The following FTO variants were observed in gnomAD, a reference collection of about 807,000 sequenced individuals.
FTO encodes alpha-ketoglutarate-dependent dioxygenase FTO.
Under a neutral mutation model 63.9 loss-of-function variants are expected in FTO, and 47 were observed. The observed-to-expected ratio is 0.74, with a 90% CI of 0.58 to 0.94. The LOEUF (loss-of-function observed/expected upper bound fraction) is 0.94. Ranked by LOEUF, FTO falls within the 40% of genes least tolerant of loss-of-function variation. FTO has a pLI of 0.00. For missense variants in FTO, 562 were observed against 618.1 expected, an observed-to-expected ratio of 0.91 and a Z score of 0.96; for synonymous variants, 207 against 224.4, an observed-to-expected ratio of 0.92 and a Z score of 0.69.
intron 8 of FTO, among the ~76,000 whole-genome samples, chr16:54,078,559 G>A (rs62034118): frequency 0.079 from 11,944 of 151,908 alleles, 791 homozygotes; most frequent in African/African-American, 0.17. Flanking sequence ...ACACATGCTC[G>A]TTTCTGGAGT....
At chr16:53,749,433 C>A (rs1598562106) in intron 1 of FTO, among the ~76,000 whole-genome samples, 1 of 148,800 alleles carries the variant, frequency 6.7e-6, no homozygotes, top group South Asian at 2.1e-4. Context: ...GATTTTAATT[C>A]TTTTTTTCTT....
At chr16:54,060,060 C>T (rs1338046672) in intron 8 of FTO, among the ~76,000 whole-genome samples, 1 of 152,156 alleles carries the variant, frequency 6.6e-6, no homozygotes, top group African/African-American at 2.4e-5. Context: ...CTTTTTAAAA[C>T]AGACTTCCTT....
intron 8 of FTO, among the ~76,000 whole-genome samples, chr16:54,067,635 G>A (rs1472240325): frequency 6.6e-6 from 1 of 152,146 alleles, no homozygotes. Context: ...TTGCTCTCTA[G>A]TGAGCCTAAA....
chr16:54,001,991 A>G (rs1168721078), intron 8 of FTO, among the ~76,000 whole-genome samples: 1 of 152,200 alleles, frequency 6.6e-6, no homozygotes, highest in Non-Finnish European at 1.5e-5. Flanking sequence ...TGTTTCAAAC[A>G]CCCGAGGAAA....
At chr16:54,019,160 G>T (rs142296748) in intron 8 of FTO, among the ~76,000 whole-genome samples, 2 of 152,122 alleles carry the variant, frequency 1.3e-5, no homozygotes, top group Non-Finnish European at 2.9e-5. Context: ...TTCTTCTTGT[G>T]TCTCCTTCTT....
At chr16:54,016,763 G>A (rs1385750318) in intron 8 of FTO, among the ~76,000 whole-genome samples, 4 of 152,122 alleles carry the variant, frequency 2.6e-5, no homozygotes, top group African/African-American at 4.8e-5. Context: ...CTTGGTTAGC[G>A]ATAATGGAGC....
intron 1 of FTO, among the ~76,000 whole-genome samples, chr16:53,721,748 T>G (rs2076046697): frequency 6.6e-6 from 1 of 152,190 alleles, no homozygotes; most frequent in Admixed American, 6.5e-5. Context: ...ATACTCTCTT[T>G]TCGAATATTG....
chr16:53,931,693 G>A (rs1421602273), intron 7 of FTO, among the ~76,000 whole-genome samples: 1 of 152,192 alleles, frequency 6.6e-6, no homozygotes, highest in African/African-American at 2.4e-5. Context: ...ACCGTTGTTA[G>A]AATACCCGCT....
intron 7 of FTO, among the ~76,000 whole-genome samples, chr16:53,917,556 T>C (rs1365077439): frequency 3.3e-5 from 5 of 152,160 alleles, no homozygotes; most frequent in East Asian, 3.9e-4. Flanking sequence ...GTTTTTGTTA[T>C]TGTTGTTGAC....
intron 6 of FTO, chr16:53,886,836 C>T (rs997431201): frequency 1.3e-5 from 2 of 152,100 alleles, no homozygotes; most frequent in African/African-American, 2.4e-5. Context: ...AAATTCTTTG[C>T]GGTAACAGGT....
chr16:53,816,780 A>G (rs930947243), intron 2 of FTO, among the ~76,000 whole-genome samples: 1 of 152,142 alleles, frequency 6.6e-6, no homozygotes, highest in Non-Finnish European at 1.5e-5. Flanking sequence ...TAGACTTATC[A>G]TCATCTAAAA....
chr16:53,712,946 T>G (rs1019333806), intron 1 of FTO, among the ~76,000 whole-genome samples: 5 of 132,076 alleles, frequency 3.8e-5, no homozygotes, highest in African/African-American at 1.1e-4. Context: ...AGAGATCATG[T>G]TTTTTTTTTT....
intron 8 of FTO, among the ~76,000 whole-genome samples, chr16:53,959,763 A>G (rs1360504117): frequency 6.6e-6 from 1 of 152,122 alleles, no homozygotes; most frequent in Non-Finnish European, 1.5e-5. Flanking sequence ...TAAGCTTTTA[A>G]CCATGAAGAA....
intron 8 of FTO, among the ~76,000 whole-genome samples, chr16:54,106,241 C>G (rs1449955703): frequency 2.0e-5 from 3 of 151,968 alleles, no homozygotes; most frequent in African/African-American, 4.8e-5. Context: ...CAGTGACGCC[C>G]TTCATGAGTT....
chr16:53,978,948 G>A (rs967556021), intron 8 of FTO, among the ~76,000 whole-genome samples: 5 of 152,118 alleles, frequency 3.3e-5, no homozygotes, highest in Admixed American at 2.6e-4. Context: ...GCAGTGAGCT[G>A]AGATCATGCC....
At chr16:53,734,344 T>C (rs551752559) in intron 1 of FTO, among the ~76,000 whole-genome samples, 2 of 152,332 alleles carry the variant, frequency 1.3e-5, no homozygotes, top group South Asian at 4.1e-4. Context: ...GTTCTGAATG[T>C]TATAAACTCT....
intron 1 of FTO, among the ~76,000 whole-genome samples, chr16:53,748,374 T>A (rs1454791307): frequency 6.6e-6 from 1 of 152,236 alleles, no homozygotes; most frequent in African/African-American, 2.4e-5. Context: ...ATAGGTCTTT[T>A]ACCTCCTTGG....
chr16:54,080,169 T>G lies in FTO; in HGVS notation c.1365-31593T>G, dbSNP rs146936018. On this transcript the variant is annotated intron_variant, in intron 8 of 8. Coordinates refer to ENST00000471389, the MANE Select transcript of FTO (RefSeq NM_001080432.3). Reference sequence around the variant, plus strand: ...TGGGAGGCTGAAACAGGAGGATTGCTTGAGGCCAGGCATTCAAGACCAGCC... The same window carrying G: ...TGGGAGGCTGAAACAGGAGGATTGCGTGAGGCCAGGCATTCAAGACCAGCC... Among the ~76,000 whole-genome samples the G allele has an allele frequency of 3.3e-5, 5 of 152,188 alleles. No homozygotes were observed. The East Asian group carries it at 9.7e-4, about 29-fold the overall frequency.
chr16:54,010,647 T>A (rs2084313557), intron 8 of FTO, among the ~76,000 whole-genome samples: 1 of 152,174 alleles, frequency 6.6e-6, no homozygotes, highest in Non-Finnish European at 1.5e-5. Flanking sequence ...ACCTCCTGAT[T>A]TCATGTAGGC....
Sources: gnomAD v4.1 joint callset for allele counts (sites outside exome capture counted in the v4.1 genomes callset) on GRCh38, gnomAD v4.1.1 for gene constraint, MANE v1.5 for transcripts, NCBI Gene and HGNC (gene_info 2026-07-23, HGNC 2026-07-21) for gene names.